LHPP: variants seen among roughly 807,000 people sequenced by gnomAD.
LHPP encodes the protein hLHPP.
In LHPP, 24 loss-of-function variants were observed where a neutral mutation model predicts 30.3. The ratio of observed to expected loss-of-function variants is 0.79; its 90% CI spans 0.57 to 1.11. The LOEUF (loss-of-function observed/expected upper bound fraction) is 1.11, where lower values mean the gene tolerates loss of function less well. Among genes scored for constraint, LHPP ranks in the 50% most tolerant of loss-of-function variants. LHPP has a pLI of 0.00. For missense variants in LHPP, 356 were observed against 367.2 expected (o/e 0.97, Z 0.25); for synonymous variants, 150 against 157.1 (o/e 0.95, Z 0.34).
rs1171598611 is a variant in LHPP at position 124,598,612 on chromosome 10, G to A, written c.717-14652G>A. Among the ~76,000 whole-genome samples the A allele has an allele frequency of 2.0e-5, 3 of 148,424 alleles. No individual in the cohort carries two copies. In the East Asian group the frequency reaches 6.0e-4, roughly 29 times the overall value. On this transcript the variant is annotated intron_variant, in intron 6 of 6. Transcript: ENST00000368842. ...GGGCCAGCACGAGGAATTGCTGGGAGCGGTCCATCCACCCATCCGTCCGTC... is the reference window on the plus strand; with the variant it reads ...GGGCCAGCACGAGGAATTGCTGGGAACGGTCCATCCACCCATCCGTCCGTC...
intron 1 of LHPP, among the ~76,000 whole-genome samples, chr10:124,466,005 A>C (rs1200165938): frequency 3.2e-4 from 48 of 152,190 alleles, no homozygotes; most frequent in Non-Finnish European, 8.8e-5. Flanking sequence ...CAGAAGATAC[A>C]TTTGACATTA....
chr10:124,534,608 G>A (rs531543190), intron 6 of LHPP, among the ~76,000 whole-genome samples: 11 of 152,238 alleles, frequency 7.2e-5, no homozygotes, highest in Non-Finnish European at 1.5e-4. Flanking sequence ...AGCGGATCAC[G>A]TGAGGGGCCT....
intron 6 of LHPP, chr10:124,546,263 T>G (rs1028162262): frequency 1.3e-5 from 2 of 152,502 alleles, no homozygotes; most frequent in African/African-American, 4.8e-5. Context: ...TTGTGCTCTT[T>G]GCTGGGTGGC....
intron 6 of LHPP, among the ~76,000 whole-genome samples, chr10:124,588,867 C>T (rs1376820072): frequency 6.6e-6 from 1 of 152,052 alleles, no homozygotes; most frequent in Non-Finnish European, 1.5e-5. Context: ...GGCCCACCCT[C>T]CACACATGTT....
chr10:124,468,907 G>T (rs2674331), intron 1 of LHPP, among the ~76,000 whole-genome samples: 89,600 of 152,054 alleles, frequency 0.59, 26,929 homozygotes, highest in East Asian at 0.9. Flanking sequence ...TGCAGGAAAC[G>T]CCCCCTCCAG....
At chr10:124,467,129 A>G (rs997056440) in intron 1 of LHPP, among the ~76,000 whole-genome samples, 2 of 151,830 alleles carry the variant, frequency 1.3e-5, no homozygotes, top group African/African-American at 4.8e-5. Context: ...AAAAAAAAAA[A>G]CCATTGTTTT....
chr10:124,534,445 C>T (rs545392203), intron 6 of LHPP, among the ~76,000 whole-genome samples: 10 of 152,220 alleles, frequency 6.6e-5, no homozygotes, highest in Non-Finnish European at 1.3e-4. Context: ...ACGGGAGGTC[C>T]GGAGGCTCTC....
chr10:124,463,777 G>A (rs1376651033), intron 1 of LHPP, among the ~76,000 whole-genome samples: 1 of 151,338 alleles, frequency 6.6e-6, no homozygotes, highest in Non-Finnish European at 1.5e-5. Context: ...CAAAGTGCTA[G>A]GATTACAGGC....
At chr10:124,538,832 C>T (rs1048923371) in intron 6 of LHPP, among the ~76,000 whole-genome samples, 4 of 152,190 alleles carry the variant, frequency 2.6e-5, no homozygotes, top group Non-Finnish European at 2.9e-5. Flanking sequence ...TCAGAGCCCA[C>T]GTTTGCTGAC....
intron 6 of LHPP, among the ~76,000 whole-genome samples, chr10:124,599,012 C>CATCT (rs2134009207): frequency 6.7e-6 from 1 of 149,224 alleles, no homozygotes; most frequent in South Asian, 2.2e-4. Context: ...TCCATCCATC[C>CATCT]ATCCATCCAT....
At chr10:124,551,017 G>A (rs1049195558) in intron 6 of LHPP, among the ~76,000 whole-genome samples, 7 of 152,162 alleles carry the variant, frequency 4.6e-5, no homozygotes, top group African/African-American at 1.4e-4. Flanking sequence ...CCAGCTGTTC[G>A]GTCTCTGCGT....
chr10:124,496,433 A>G lies in LHPP; in HGVS notation c.468-528A>G, dbSNP rs1764907846. Among the ~76,000 whole-genome samples the G allele has an allele frequency of 6.6e-6, 1 of 152,220 alleles. No individual in the cohort carries two copies. Among genetic ancestry groups the G allele is most frequent in the Non-Finnish European group, 1.5e-5 (1 of 68,040 alleles). On this transcript the variant is annotated intron_variant, in intron 3 of 6. Transcript: ENST00000368842. This position sits in a 1 kb window ranked among gnomAD's most constrained non-coding sequence, Gnocchi z 4.3. The stretch of plus-strand genomic sequence containing the variant: ...GAAGGAACAGTTGTCTTCTCATAAA[A>G]GCATCTGGCGCCCATGAAACCTGGC...
At chr10:124,588,298 C>CTTTTTTTTTTTTT (rs55633265) in intron 6 of LHPP, among the ~76,000 whole-genome samples, 4 of 146,918 alleles carry the variant, frequency 2.7e-5, no homozygotes, top group African/African-American at 1.0e-4. Context: ...TTTTTCTCTT[C>CTTTTTTTTTTTTT]TTTTTTTTTT....
intron 6 of LHPP, among the ~76,000 whole-genome samples, chr10:124,560,647 C>G (rs1218276340): frequency 6.6e-6 from 1 of 152,226 alleles, no homozygotes; most frequent in African/African-American, 2.4e-5. Flanking sequence ...CTCCCGACGT[C>G]AGGCTCACAG....
chr10:124,469,346 G>A (rs891445936), intron 1 of LHPP, among the ~76,000 whole-genome samples: 4 of 152,058 alleles, frequency 2.6e-5, no homozygotes, highest in Admixed American at 6.6e-5. Flanking sequence ...CTGTGATGAT[G>A]GGTCCTCCGA....
Position 124,521,962 on chromosome 10 carries a change from G to A in LHPP, c.716+4691G>A, listed in dbSNP as rs1954622056. The stretch of plus-strand genomic sequence containing the variant: ...AGGAGTGGGATTCGGCCGCTGACTG[G>A]CAGTGAGATCTCCTTGTCACCTTAG... On this transcript the variant is annotated intron_variant, in intron 6 of 6. Transcript: ENST00000368842. Among the ~76,000 whole-genome samples the A allele has an allele frequency of 3.3e-5, 5 of 150,924 alleles. No homozygotes were observed. The South Asian group carries it at 1.1e-3, about 34-fold the overall frequency.
At position 124,576,647 on chromosome 10, in the gene LHPP, G is replaced by A. The variant is rs116222228; in HGVS notation, c.717-36617G>A. ...CCTGCTGGTAATATGGGATACAGAG[G>A]TCTCCTCACTGCACACACAAAACTC... On this transcript the variant is annotated intron_variant, in intron 6 of 6. Coordinates refer to ENST00000368842, the MANE Select transcript of LHPP (RefSeq NM_022126.4). The surrounding 1 kb of genome is among the most constrained non-coding windows in gnomAD (Gnocchi z 4.2). Among the ~76,000 whole-genome samples the A allele has an allele frequency of 9.1e-3, 1,386 of 152,082 alleles. 20 individuals carry two copies. Among genetic ancestry groups the A allele is most frequent in the African/African-American group, 0.031 (1,283 of 41,474 alleles).
chr10:124,559,180 G>A (rs1948352117), intron 6 of LHPP, among the ~76,000 whole-genome samples: 1 of 152,230 alleles, frequency 6.6e-6, no homozygotes, highest in Admixed American at 6.5e-5. Flanking sequence ...GCTAGTTAAG[G>A]ACACAGGAGA....
At chr10:124,491,786 G>T (rs957213264) in intron 3 of LHPP, among the ~76,000 whole-genome samples, 1 of 152,188 alleles carries the variant, frequency 6.6e-6, no homozygotes, top group Admixed American at 6.5e-5. Context: ...TTAGCCAGGT[G>T]TGGTGGTGCG....
Sources: allele counts gnomAD v4.1 joint callset (sites outside exome capture counted in the v4.1 genomes callset), GRCh38; gene constraint gnomAD v4.1.1; non-coding constraint Gnocchi (gnomAD v3.1); transcripts MANE v1.5; gene names NCBI Gene and HGNC (gene_info 2026-07-23, HGNC 2026-07-21).